Variants in CUX1 observed in about 807,000 individuals in gnomAD.
CUX1 encodes the protein protein CASP.
Under a neutral mutation model 158.8 loss-of-function variants are expected in CUX1, and 31 were observed. That is an observed-to-expected ratio of 0.20 (90% CI 0.15 to 0.26). CUX1 has a LOEUF of 0.26. Ranked by LOEUF, CUX1 falls within the 10% of genes least tolerant of loss-of-function variation. CUX1 has a pLI of 1.00. For synonymous variants in CUX1, 879 were observed against 862.1 expected, an observed-to-expected ratio of 1.02 and a Z score of -0.34; for missense variants, 1,589 against 2,014.6, an observed-to-expected ratio of 0.79 and a Z score of 4.04.
chr7:102,195,475 C>G (rs782651483), intron 13 of CUX1, 32 bp from the exon 14 acceptor site: 7 of 1,579,014 alleles, frequency 4.4e-6, no homozygotes, highest in Non-Finnish European at 6.0e-6. Flanking sequence ...GTGGCCGGCC[C>G]CGCAGTGAGA....
At chr7:102,240,596 G>A (rs988204124) in intron 23 of CUX1, among the ~76,000 whole-genome samples, 4 of 151,910 alleles carry the variant, frequency 2.6e-5, no homozygotes, top group Admixed American at 1.3e-4. Flanking sequence ...GTGCTTTCTC[G>A]GGGTCTTCTG....
intron 23 of CUX1, among the ~76,000 whole-genome samples, chr7:102,241,311 C>T (rs551708244): frequency 3.3e-5 from 5 of 152,266 alleles, no homozygotes; most frequent in Admixed American, 3.3e-4. Flanking sequence ...ACCAAGAATT[C>T]CAGGGCCCTG....
At chr7:102,141,740 A>C (rs1160005065) in intron 8 of CUX1, among the ~76,000 whole-genome samples, 1 of 148,850 alleles carries the variant, frequency 6.7e-6, no homozygotes, top group Non-Finnish European at 1.5e-5. Flanking sequence ...CTCCCACCTT[A>C]GCCTCCCGAG....
chr7:102,105,144 T>C (rs1422321622), intron 6 of CUX1, among the ~76,000 whole-genome samples: 10 of 151,814 alleles, frequency 6.6e-5, no homozygotes, highest in Admixed American at 1.3e-4. Context: ...CTAAACTCTT[T>C]CTGCCTTCTC....
chr7:102,114,055 C>T (rs562609333), intron 7 of CUX1, among the ~76,000 whole-genome samples: 1 of 152,268 alleles, frequency 6.6e-6, no homozygotes, highest in East Asian at 1.9e-4. Flanking sequence ...AGCTTCACTT[C>T]CAGGTATCCT....
At chr7:101,835,824 C>T (rs1174314580) in intron 1 of CUX1, among the ~76,000 whole-genome samples, 1 of 152,228 alleles carries the variant, frequency 6.6e-6, no homozygotes, top group Non-Finnish European at 1.5e-5. Flanking sequence ...CAATCTCCAT[C>T]TCCCGGGTTC....
At chr7:101,976,900 A>ATTTTTTTTTTTTTTTTTTT (rs10643207) in intron 2 of CUX1, among the ~76,000 whole-genome samples, 9 of 39,460 alleles carry the variant, frequency 2.3e-4, no homozygotes, top group Middle Eastern at 0.029. Context: ...TCCCTTTCTG[A>ATTTTTTTTTTTTTTTTTTT]TTTTTTTTTT....
intron 2 of CUX1, among the ~76,000 whole-genome samples, chr7:102,009,638 C>T (rs1171533807): frequency 1.3e-5 from 2 of 152,352 alleles, no homozygotes; most frequent in Admixed American, 1.3e-4. Context: ...AGTTCAGGCC[C>T]ACGCCAGGTC....
At chr7:101,854,829 C>T (rs1354144477) in intron 1 of CUX1, among the ~76,000 whole-genome samples, 1 of 152,244 alleles carries the variant, frequency 6.6e-6, no homozygotes, top group Non-Finnish European at 1.5e-5. Flanking sequence ...ACTGCAACCT[C>T]CGCCTCCTGG....
intron 8 of CUX1, among the ~76,000 whole-genome samples, chr7:102,125,191 C>G (rs1832489919): frequency 6.6e-6 from 1 of 152,138 alleles, no homozygotes; most frequent in Admixed American, 6.6e-5. Flanking sequence ...TTGAGCCTTC[C>G]CCATGATGAT....
At chr7:101,875,255 G>A (rs1360059888) in intron 1 of CUX1, among the ~76,000 whole-genome samples, 2 of 152,114 alleles carry the variant, frequency 1.3e-5, no homozygotes, top group African/African-American at 4.8e-5. Context: ...TTCAGGTACC[G>A]TCAGCCACAT....
intron 20 of CUX1, among the ~76,000 whole-genome samples, chr7:102,214,304 G>A (rs888821825): frequency 6.6e-6 from 1 of 152,116 alleles, no homozygotes; most frequent in Non-Finnish European, 1.5e-5. Flanking sequence ...CTCAAGGATC[G>A]CTTGAGTCCA....
chr7:102,147,447 C>T (rs186252387), intron 8 of CUX1, among the ~76,000 whole-genome samples: 72 of 152,306 alleles, frequency 4.7e-4, no homozygotes, highest in Middle Eastern at 3.4e-3. Flanking sequence ...CAGGACCTCA[C>T]GGTCCATTGG....
intron 2 of CUX1, among the ~76,000 whole-genome samples, chr7:101,934,497 C>A (rs975128230): frequency 6.6e-6 from 1 of 152,140 alleles, no homozygotes; most frequent in Non-Finnish European, 1.5e-5. Flanking sequence ...AATTATTGTT[C>A]CTTCTTCTTG....
chr7:102,080,131 G>T (rs1034963750), intron 4 of CUX1, among the ~76,000 whole-genome samples: 2 of 152,170 alleles, frequency 1.3e-5, no homozygotes, highest in East Asian at 3.9e-4. Context: ...GCCGGCTGCC[G>T]TCCTTCCCAA....
At chr7:101,894,441 G>A (rs62463734) in intron 1 of CUX1, among the ~76,000 whole-genome samples, 30,228 of 152,062 alleles carry the variant, frequency 0.2, 3,823 homozygotes, top group Non-Finnish European at 0.28. Context: ...CTCCCAAGAC[G>A]CTGGGATTAC....
chr7:102,255,360 G>T lies in CUX1; in HGVS notation c.*6318G>T, dbSNP rs1789779748. 1.0e-6 allele frequency: 1 copy of T among 969,310 alleles called. No individual in the cohort carries two copies. Among genetic ancestry groups the T allele is most frequent in the African/African-American group, 1.9e-5 (1 of 51,916 alleles). 60.0% of individuals were successfully genotyped at this position (969,310 alleles called of 1,614,324 possible). A position where few individuals can be genotyped will look rare whatever the true frequency, so the allele number is the denominator to read the frequency against. On this transcript the variant is annotated 3_prime_UTR_variant, in exon 24 of 24. Coordinates refer to ENST00000292535, the MANE Select transcript of CUX1 (RefSeq NM_181552.4). ...CTCCTCCAAAATGCTAACTTTAAAAGTTGGGCATTGTAGGCGAAAAATCCC... is the reference window on the plus strand; with the variant it reads ...CTCCTCCAAAATGCTAACTTTAAAATTTGGGCATTGTAGGCGAAAAATCCC...
chr7:102,063,989 T>C (rs1034591603), intron 3 of CUX1, among the ~76,000 whole-genome samples: 7 of 152,120 alleles, frequency 4.6e-5, no homozygotes, highest in Non-Finnish European at 7.3e-5. Flanking sequence ...AGCCTGCAGA[T>C]CAGGGTAGCA....
In CUX1 at chr7:102,200,193, T is replaced by C. The variant is rs199798502; in HGVS notation, c.2062+21T>C. The C allele has an allele frequency of 2.0e-4, 311 of 1,578,706 alleles. No homozygotes were observed. The African/African-American group carries it at 4.0e-3, about 20-fold the overall frequency. On this transcript the variant is annotated intron_variant, in intron 17 of 23. Transcript: ENST00000292535. ...AACTGGTACAGCTTCCATTTCTTCA[T>C]CCACTGTCTTCAAACTTAATTAAGA...
Sources: gnomAD v4.1 joint callset for allele counts (sites outside exome capture counted in the v4.1 genomes callset) on GRCh38, gnomAD v4.1.1 for gene constraint, MANE v1.5 for transcripts, NCBI Gene and HGNC (gene_info 2026-07-23, HGNC 2026-07-21) for gene names.